The following PRG2 variants were observed in gnomAD, a reference collection of about 807,000 sequenced individuals.
The protein encoded by PRG2 is proteoglycan 2, pro eosinophil major basic protein.
PRG2 carries 23 observed loss-of-function variants against 24.7 expected under a neutral mutation model. The observed-to-expected ratio is 0.93, with a 90% CI of 0.67 to 1.32. The LOEUF is 1.32. Ranked by LOEUF, PRG2 falls within the 40% of genes most tolerant of loss-of-function variation. The probability of loss-of-function intolerance (pLI) is 0.00; values close to 1 mark genes in which losing one functional copy is unlikely to be tolerated. For missense variants in PRG2, 271 were observed against 280.9 expected (o/e 0.96, Z 0.25); for synonymous variants, 104 against 99.8 (o/e 1.04, Z -0.25).
chr11:57,389,056 C>T lies in PRG2; in HGVS notation c.320G>A (p.Cys107Tyr), dbSNP rs1857105986. 3.1e-6 allele frequency: 5 copies of T among 1,614,238 alleles called. No individual in the cohort carries two copies. Among genetic ancestry groups the T allele is most frequent in the Non-Finnish European group, 4.2e-6 (5 of 1,180,048 alleles). ...AAGACTTCTCACCAGGAGGTAGCGG[C>T]AGGTCTGGCACCCAGGGATGCCCAC... Reference protein sequence around the residue: ...KVVGIPGCQTCRYLLVRSLQT... With the variant: ...KVVGIPGCQTYRYLLVRSLQT... Residue 107 changes from cysteine to tyrosine, a missense_variant, in exon 3 of 6, where the codon TGC (cysteine) becomes TAC (tyrosine). Transcript: ENST00000311862.
rs3887761 is a variant in PRG2, at chr11:57,387,316, A to G, written c.*159T>C. On this transcript the variant is annotated 3_prime_UTR_variant, in exon 6 of 6. Coordinates refer to ENST00000311862, the MANE Select transcript of PRG2 (RefSeq NM_002728.6). ...GAGAGATGATAAGGAAGAAGTTTCA[A>G]TGAGGGCTAAGCAGAGTGGATCCGC... is the stretch of plus-strand genomic sequence containing the variant. 32 of 612,016 alleles carry G rather than the reference A, an allele frequency of 5.2e-5. No individual in the cohort carries two copies. In the African/African-American group the frequency reaches 5.9e-4, roughly 11 times the overall value. The allele number at this position is 612,016 out of a possible 1,614,324, so 37.9% of individuals were successfully genotyped here.
chr11:57,387,518 C>G lies in PRG2; in HGVS notation c.626G>C (p.Arg209Pro), dbSNP rs201649105. Residue 209 changes from arginine (R) to proline (P), a missense_variant, in exon 6 of 6, where the codon CGA becomes CCA. Coordinates refer to ENST00000311862, the MANE Select transcript of PRG2 (RefSeq NM_002728.6). Reference protein sequence around the residue: ...ALCTRGGHWRRAHCLRRLPFI... With the variant: ...ALCTRGGHWRPAHCLRRLPFI... ...AGGAAGTCTTCTGAGGCAGTGGGCT[C>G]GACGCCAGTGGCCTCCTGTGAAGGC... The G allele has an allele frequency of 4.4e-5, 71 of 1,613,798 alleles. No homozygotes were observed. Among genetic ancestry groups the G allele is most frequent in the Non-Finnish European group, 5.5e-5 (65 of 1,179,840 alleles).
At chr11:57,390,004 C>A (rs759621132) in intron 1 of PRG2, 48 bp from the exon 2 acceptor site, 2 of 1,445,194 alleles carry the variant, frequency 1.4e-6, no homozygotes, top group South Asian at 1.2e-5. Context: ...GACACACATG[C>A]ACACACATCA....
Position 57,388,994 on chromosome 11 carries a change from G to A in PRG2, c.366+16C>T, listed in dbSNP as rs1857104001. 1 of 1,609,998 alleles carries A rather than the reference G, an allele frequency of 6.2e-7. No individual in the cohort carries two copies. The highest frequency in any genetic ancestry group is 8.5e-7 in the Non-Finnish European group (1 of 1,178,240). ...GTTCCATGCTCCCACCTCAGCCTCAGCCATAGGCCACTCACCCAAGCTTGA... is the reference window on the plus strand; with the variant it reads ...GTTCCATGCTCCCACCTCAGCCTCAACCATAGGCCACTCACCCAAGCTTGA... On this transcript the variant is annotated intron_variant, in intron 3 of 5. Transcript: ENST00000311862.
In PRG2 at chr11:57,386,928, T is replaced by G. The variant is rs1005324558; in HGVS notation, c.*547A>C. On this transcript the variant is annotated 3_prime_UTR_variant, in exon 6 of 6. Coordinates refer to ENST00000311862, the MANE Select transcript of PRG2 (RefSeq NM_002728.6). ...GAAATGGTGCCCAATACATGTTAGA[T>G]TTATTCCACTTGAGGGGCCGGGGAT... 4 of 152,294 alleles carry G rather than the reference T, an allele frequency of 2.6e-5. No individual in the cohort carries two copies. Among genetic ancestry groups the G allele is most frequent in the South Asian group, 4.1e-4 (2 of 4,824 alleles). 9.4% of individuals were successfully genotyped at this position (152,294 alleles called of 1,614,324 possible). A position where few individuals can be genotyped will look rare whatever the true frequency, so the allele number is the denominator to read the frequency against.
chr11:57,387,731 G>A (rs751986113), intron 5 of PRG2, 23 bp downstream of exon 5: 70 of 1,527,752 alleles, frequency 4.6e-5, no homozygotes, highest in Non-Finnish European at 5.6e-5. Flanking sequence ...CCTTTCCATC[G>A]TTCATCCCCA....
chr11:57,388,535 G>A, intron 4 of PRG2, 42 bp downstream of exon 4: 2 of 1,608,052 alleles, frequency 1.2e-6, no homozygotes, highest in Non-Finnish European at 1.7e-6. Flanking sequence ...TGCTGGCTGA[G>A]ATCAGCAGGT....
At chr11:57,387,676 G>C in intron 5 of PRG2, 78 bp downstream of exon 5, 1 of 1,382,040 alleles carries the variant, frequency 7.2e-7, no homozygotes, top group South Asian at 1.4e-5. Context: ...AAAGGGTCAG[G>C]CTCTTTGTAG....
chr11:57,387,659 C>G, intron 5 of PRG2, 95 bp downstream of exon 5: 4 of 1,371,032 alleles, frequency 2.9e-6, no homozygotes, highest in Non-Finnish European at 4.0e-6. Flanking sequence ...CAGGAAGCCT[C>G]TCCCACAAAG....
In PRG2 at chr11:57,389,199, C is replaced by T. The variant is rs1173772941; in HGVS notation, c.177G>A (p.Glu59=). Residue 59 remains glutamate (E), a synonymous_variant, in exon 3 of 6, where the codon GAG becomes GAA. Coordinates refer to ENST00000311862, the MANE Select transcript of PRG2 (RefSeq NM_002728.6). Reference sequence around the variant, plus strand: ...AGGCATCTTCACTTCCAGAGCCCCACTCCTCCTCTTCCTCCAGCTCCCTGC... The same window carrying T: ...AGGCATCTTCACTTCCAGAGCCCCATTCCTCCTCTTCCTCCAGCTCCCTGC... The part of the protein sequence containing the change: ...TPCRELEEEE[E]WGSGSEDASK... The T allele has an allele frequency of 2.5e-6, 4 of 1,614,208 alleles. No homozygotes were observed. The highest frequency in any genetic ancestry group is 1.7e-5 in the Admixed American group (1 of 60,024).
In PRG2 at chr11:57,388,575, A is replaced by T; in HGVS notation, c.498+2T>A. On this transcript the variant is annotated splice_donor_variant, in intron 4 of 5. Transcript: ENST00000311862. LOFTEE classifies it high-confidence loss of function. ...CCCATTTAGTGTTCACACTTCTCTT[A>T]CCGAGCCTGTGATCCTGCCTCCAAT... is the stretch of plus-strand genomic sequence containing the variant. The T allele has an allele frequency of 6.2e-7, 1 of 1,613,716 alleles. No individual in the cohort carries two copies. The highest frequency in any genetic ancestry group is 8.5e-7 in the Non-Finnish European group (1 of 1,179,788).
In PRG2 at chr11:57,387,296, A is replaced by T; in HGVS notation, c.*179T>A. On this transcript the variant is annotated 3_prime_UTR_variant, in exon 6 of 6. Coordinates refer to ENST00000311862, the MANE Select transcript of PRG2 (RefSeq NM_002728.6). ...TATGAAAGTTGTGGTGTGGGGAGAGATGATAAGGAAGAAGTTTCAATGAGG... is the reference window on the plus strand; with the variant it reads ...TATGAAAGTTGTGGTGTGGGGAGAGTTGATAAGGAAGAAGTTTCAATGAGG... 1.8e-6 allele frequency: 1 copy of T among 560,632 alleles called. No individual in the cohort carries two copies. Among genetic ancestry groups the T allele is most frequent in the Non-Finnish European group, 3.1e-6 (1 of 317,984 alleles). 34.7% of individuals were successfully genotyped at this position (560,632 alleles called of 1,614,324 possible).
At position 57,387,410 on chromosome 11, in the gene PRG2, G is replaced by A. The variant is rs559405693; in HGVS notation, c.*65C>T. Reference sequence around the variant, plus strand: ...TTGCAGGGAGGTGGAGGGAGGGATGGCAAGCAGAGGAGGGGAGGCAGCTGC... The same window carrying A: ...TTGCAGGGAGGTGGAGGGAGGGATGACAAGCAGAGGAGGGGAGGCAGCTGC... On this transcript the variant is annotated 3_prime_UTR_variant, in exon 6 of 6. Coordinates refer to ENST00000311862, the MANE Select transcript of PRG2 (RefSeq NM_002728.6). 1.3e-4 allele frequency: 185 copies of A among 1,397,974 alleles called. No individual in the cohort carries two copies. The highest frequency in any genetic ancestry group is 1.8e-4 in the Middle Eastern group (1 of 5,508). The allele number at this position is 1,397,974 out of a possible 1,614,324, so 86.6% of individuals were successfully genotyped here.
intron 4 of PRG2, 67 bp downstream of exon 4, chr11:57,388,510 C>T: frequency 6.3e-7 from 1 of 1,592,102 alleles, no homozygotes; most frequent in Non-Finnish European, 8.6e-7. Context: ...ACAGACAAAT[C>T]TGATGCAAGC....
chr11:57,387,120 GA>G lies in PRG2; in HGVS notation c.*354del. 5.5e-6 allele frequency: 1 copy of G among 182,558 alleles called. No individual in the cohort carries two copies. The allele number at this position is 182,558 out of a possible 1,614,324, so 11.3% of individuals were successfully genotyped here. A position where few individuals can be genotyped will look rare whatever the true frequency, so the allele number is the denominator to read the frequency against. The stretch of plus-strand genomic sequence containing the variant: ...CCATTGGGAGTCTACCTACAACCTT[GA>G]AAGGTCCTGGCAGCACTATGCAGGT... On this transcript the variant is annotated 3_prime_UTR_variant, in exon 6 of 6. Transcript: ENST00000311862.
chr11:57,389,420 C>A, intron 2 of PRG2, 103 bp from the exon 3 acceptor site: 1 of 1,295,708 alleles, frequency 7.7e-7, no homozygotes, highest in Non-Finnish European at 1.0e-6. Flanking sequence ...GAGTGCTCAA[C>A]TCTGCCTGGG....
Position 57,387,213 on chromosome 11 carries a change from A to C in PRG2, c.*262T>G, listed in dbSNP as rs1175285389. ...CATTCCTCCATCTCCAAAAGGCTCC[A>C]TAGACCCAACTCCACCCTCCATCCT... On this transcript the variant is annotated 3_prime_UTR_variant, in exon 6 of 6. Coordinates refer to ENST00000311862, the MANE Select transcript of PRG2 (RefSeq NM_002728.6). 9.5e-6 allele frequency: 4 copies of C among 420,996 alleles called. No individual in the cohort carries two copies. Among genetic ancestry groups the C allele is most frequent in the African/African-American group, 8.2e-5 (4 of 48,896 alleles). 26.1% of individuals were successfully genotyped at this position (420,996 alleles called of 1,614,324 possible).
In PRG2 at chr11:57,387,284, G is replaced by A. The variant is rs1187769143; in HGVS notation, c.*191C>T. The A allele has an allele frequency of 3.7e-6, 2 of 544,610 alleles. No individual in the cohort carries two copies. The highest frequency in any genetic ancestry group is 6.5e-6 in the Non-Finnish European group (2 of 308,932). 33.7% of individuals were successfully genotyped at this position (544,610 alleles called of 1,614,324 possible). A position where few individuals can be genotyped will look rare whatever the true frequency, so the allele number is the denominator to read the frequency against. ...TTCTGACACTTCTATGAAAGTTGTG[G>A]TGTGGGGAGAGATGATAAGGAAGAA... On this transcript the variant is annotated 3_prime_UTR_variant, in exon 6 of 6. Transcript: ENST00000311862.
Position 57,389,199 on chromosome 11 carries a change from C to G in PRG2, c.177G>C (p.Glu59Asp). Residue 59 changes from glutamate (E) to aspartate (D), a missense_variant, in exon 3 of 6, where the codon GAG becomes GAC. By Grantham distance (45) the Glu-to-Asp change is conservative. Transcript: ENST00000311862. ...AGGCATCTTCACTTCCAGAGCCCCA[C>G]TCCTCCTCTTCCTCCAGCTCCCTGC... The part of the protein sequence containing the change: ...TPCRELEEEE[E>D]WGSGSEDASK... 1 of 1,614,208 alleles carries G rather than the reference C, an allele frequency of 6.2e-7. No homozygotes were observed. Among genetic ancestry groups the G allele is most frequent in the Non-Finnish European group, 8.5e-7 (1 of 1,180,038 alleles).
Sources: allele counts gnomAD v4.1 joint callset, GRCh38; gene constraint gnomAD v4.1.1; transcripts MANE v1.5; gene names NCBI Gene and HGNC (gene_info 2026-07-23, HGNC 2026-07-21).